ASAP1: variants seen among roughly 807,000 people sequenced by gnomAD.
ASAP1 encodes the protein ArfGAP with SH3 domain, ankyrin repeat and PH domain 1, also known as arf-GAP with SH3 domain, ANK repeat and PH domain-containing protein 1.
ASAP1 carries 43 observed loss-of-function variants against 145.2 expected under a neutral mutation model. That is an observed-to-expected ratio of 0.30 (90% confidence interval 0.23 to 0.38). ASAP1 has a LOEUF of 0.38. Ranked by LOEUF, ASAP1 falls within the 10% of genes least tolerant of loss-of-function variation. The pLI is 1.00. For missense variants in ASAP1, 1,018 were observed against 1,355.3 expected (o/e 0.75, Z 3.91); for synonymous variants, 546 against 515.5 (o/e 1.06, Z -0.80).
chr8:130,240,120 T>G (rs932933768), intron 3 of ASAP1, among the ~76,000 whole-genome samples: 2 of 152,010 alleles, frequency 1.3e-5, no homozygotes, highest in African/African-American at 4.8e-5. Flanking sequence ...AGCCATAACA[T>G]TTTTTGAGAC....
chr8:130,083,397 C>T (rs1464385223), intron 25 of ASAP1: 1 of 152,208 alleles, frequency 6.6e-6, no homozygotes, highest in African/African-American at 2.4e-5. Context: ...AGAATTCTTC[C>T]ATAGCTGACT....
chr8:130,077,014 A>T (rs1451642046), intron 26 of ASAP1, among the ~76,000 whole-genome samples: 1 of 152,198 alleles, frequency 6.6e-6, no homozygotes, highest in Non-Finnish European at 1.5e-5. Flanking sequence ...AACTCTTCCC[A>T]CATGATCCCA....
rs1045633539 is a variant in ASAP1, at chr8:130,145,982, C to A, written c.1080+6754G>T. 2.0e-5 allele frequency among the ~76,000 whole-genome samples: 3 copies of A among 150,232 alleles called. No individual in the cohort carries two copies. In the Admixed American group the frequency reaches 2.0e-4, roughly 10 times the overall value. ...TGAGCCTCCCAAGGAGCTGGTACAA[C>A]AGGCATGTGCCACCATACCTGGCTA... On this transcript the variant is annotated intron_variant, in intron 13 of 29. Coordinates refer to ENST00000518721, the MANE Select transcript of ASAP1 (RefSeq NM_018482.4).
intron 2 of ASAP1, chr8:130,361,812 C>G (rs929781286): frequency 1.1e-5 from 16 of 1,418,756 alleles, no homozygotes; most frequent in Non-Finnish European, 1.4e-5. Context: ...AACGTAAATG[C>G]TGGATTTCTT....
chr8:130,250,719 A>G (rs1331731277), intron 3 of ASAP1, among the ~76,000 whole-genome samples: 1 of 152,104 alleles, frequency 6.6e-6, no homozygotes, highest in African/African-American at 2.4e-5. Context: ...GATGATTACT[A>G]AAACTGAAGA....
At chr8:130,352,280 C>A (rs1029754017) in intron 3 of ASAP1, among the ~76,000 whole-genome samples, 2 of 149,638 alleles carry the variant, frequency 1.3e-5, no homozygotes, top group African/African-American at 5.0e-5. Context: ...AAGTTTAGCA[C>A]CTGCAATATA....
At chr8:130,134,243 G>C (rs758032576) in intron 15 of ASAP1, 53 bp downstream of exon 15, 4 of 1,365,522 alleles carry the variant, frequency 2.9e-6, no homozygotes, top group Admixed American at 4.5e-5. Context: ...ATTGTAAACA[G>C]AGAGGTGCTT....
intron 15 of ASAP1, among the ~76,000 whole-genome samples, chr8:130,132,529 G>A (rs2097584784): frequency 6.6e-6 from 1 of 152,036 alleles, no homozygotes; most frequent in African/African-American, 2.4e-5. Context: ...CCTTCCTCTT[G>A]GAAGTCATCT....
intron 13 of ASAP1, among the ~76,000 whole-genome samples, chr8:130,147,063 T>TA (rs1195462035): frequency 6.6e-6 from 1 of 151,510 alleles, no homozygotes; most frequent in Non-Finnish European, 1.5e-5. Flanking sequence ...CCGTCTCTAC[T>TA]AAAAATACTA....
intron 3 of ASAP1, among the ~76,000 whole-genome samples, chr8:130,348,489 A>G (rs753843761): frequency 5.3e-5 from 8 of 152,162 alleles, no homozygotes; most frequent in Non-Finnish European, 7.4e-5. Flanking sequence ...TACACAACTG[A>G]CCACAAACAG....
At chr8:130,373,111 TAC>T (rs367719682) in intron 2 of ASAP1, among the ~76,000 whole-genome samples, 19,054 of 93,218 alleles carry the variant, frequency 0.2, 1,673 homozygotes, top group East Asian at 0.33. Flanking sequence ...GAAATACATA[TAC>T]ACACACACAC....
intron 25 of ASAP1, among the ~76,000 whole-genome samples, chr8:130,081,346 G>A (rs1377823042): frequency 2.0e-5 from 3 of 152,150 alleles, no homozygotes; most frequent in African/African-American, 7.2e-5. Flanking sequence ...GGCAGTTGTG[G>A]AGCCCCAAGC....
chr8:130,276,681 A>T (rs989597386), intron 3 of ASAP1, among the ~76,000 whole-genome samples: 1 of 126,658 alleles, frequency 7.9e-6, no homozygotes, highest in Non-Finnish European at 1.7e-5. Flanking sequence ...GAGAGCCAAG[A>T]CTGCAAACAC....
intron 3 of ASAP1, 58 bp downstream of exon 3, chr8:130,357,959 C>T (rs1460567216): frequency 1.9e-6 from 3 of 1,546,148 alleles, no homozygotes; most frequent in African/African-American, 2.7e-5. Context: ...AGAGGAGATC[C>T]TCCAGCTGCG....
rs77860237 is a variant in ASAP1, at chr8:130,188,804, C to T, written c.406-621G>A. Among the ~76,000 whole-genome samples the T allele has an allele frequency of 6.4e-3, 961 of 150,684 alleles. 12 individuals are homozygous for T. Among genetic ancestry groups the T allele is most frequent in the African/African-American group, 0.022 (914 of 41,050 alleles). On this transcript the variant is annotated intron_variant, in intron 5 of 29. Transcript: ENST00000518721. ...GCTCCAGAGCTTGTGTTCTTAAACA[C>T]TATACTACAGTACACGTATATGTGT...
chr8:130,075,842 G>A (rs2097461142), intron 27 of ASAP1, among the ~76,000 whole-genome samples: 1 of 152,186 alleles, frequency 6.6e-6, no homozygotes, highest in Non-Finnish European at 1.5e-5. Context: ...TCTCTACTCT[G>A]CACAACAGAT....
intron 3 of ASAP1, among the ~76,000 whole-genome samples, chr8:130,310,391 C>T (rs1823268023): frequency 6.6e-6 from 1 of 152,090 alleles, no homozygotes; most frequent in Admixed American, 6.5e-5. Flanking sequence ...CATAAAACCA[C>T]CTATCAACCT....
chr8:130,347,713 T>A (rs1437749203), intron 3 of ASAP1, among the ~76,000 whole-genome samples: 2 of 152,120 alleles, frequency 1.3e-5, no homozygotes, highest in African/African-American at 4.8e-5. Flanking sequence ...GTGGAGCCAA[T>A]CCAATCCTCC....
chr8:130,358,070 T>C lies in ASAP1; in HGVS notation c.133A>G (p.Ser45Gly), dbSNP rs779984404. The change falls in exon 3 of 30, where the codon AGC becomes GGC. Residue 45 changes from serine (S) to glycine (G), a missense_variant. Physicochemically the swap from Ser to Gly is moderately conservative, Grantham distance 56. Transcript: ENST00000518721. The surrounding 1 kb of genome is among the most constrained non-coding windows in gnomAD (Gnocchi z 4.1). ...TEDYNSPTTS[S>G]FTTRLHNCRN... The stretch of plus-strand genomic sequence containing the variant: ...CAGTTGTGCAGCCGCGTGGTGAAGC[T>C]GGACGTGGTGGGCGAGTTGTAGTCC... 5 of 1,610,668 alleles carry C rather than the reference T, an allele frequency of 3.1e-6. No individual in the cohort carries two copies. The highest frequency in any genetic ancestry group is 4.2e-6 in the Non-Finnish European group (5 of 1,178,930).
Sources: gnomAD v4.1 joint callset for allele counts (sites outside exome capture counted in the v4.1 genomes callset) on GRCh38, gnomAD v4.1.1 for gene constraint, Gnocchi (gnomAD v3.1) non-coding constraint, MANE v1.5 for transcripts, NCBI Gene and HGNC (gene_info 2026-07-23, HGNC 2026-07-21) for gene names.